NOS1AP: variants seen among roughly 807,000 people sequenced by gnomAD.
NOS1AP encodes the protein carboxyl-terminal PDZ ligand of neuronal nitric oxide synthase protein.
A neutral mutation model predicts 56.2 loss-of-function variants in NOS1AP; 21 were observed. The observed-to-expected ratio is 0.37, with a 90% CI of 0.26 to 0.54. The LOEUF (loss-of-function observed/expected upper bound fraction) is 0.54. Ranked by LOEUF, NOS1AP falls within the 20% of genes least tolerant of loss-of-function variation. The pLI is 0.84. For missense variants in NOS1AP, 522 were observed against 657.8 expected, an observed-to-expected ratio of 0.79 and a Z score of 2.26; for synonymous variants, 270 against 274.6, an observed-to-expected ratio of 0.98 and a Z score of 0.17.
intron 2 of NOS1AP, among the ~76,000 whole-genome samples, chr1:162,237,482 C>T (rs1373373201): frequency 6.6e-6 from 1 of 152,104 alleles, no homozygotes; most frequent in Non-Finnish European, 1.5e-5. Context: ...TTTTTGTGGG[C>T]ATTAAGGCCC....
At chr1:162,280,080 G>A (rs1234999273) in intron 2 of NOS1AP, among the ~76,000 whole-genome samples, 1 of 152,164 alleles carries the variant, frequency 6.6e-6, no homozygotes, top group Non-Finnish European at 1.5e-5. Context: ...TTGGGAGGCC[G>A]AGGTGGGAGG....
chr1:162,174,289 C>G (rs1047054194), intron 2 of NOS1AP, among the ~76,000 whole-genome samples: 1 of 151,740 alleles, frequency 6.6e-6, no homozygotes, highest in African/African-American at 2.4e-5. Flanking sequence ...AACCATCATT[C>G]TCAGCAAACT....
intron 1 of NOS1AP, among the ~76,000 whole-genome samples, chr1:162,118,976 A>G (rs1648089698): frequency 1.3e-5 from 2 of 152,168 alleles, no homozygotes; most frequent in South Asian, 4.1e-4. Flanking sequence ...GAGAAAGTTC[A>G]TGGGGATTTC....
At chr1:162,313,742 T>C (rs1474664574) in intron 4 of NOS1AP, among the ~76,000 whole-genome samples, 1 of 152,278 alleles carries the variant, frequency 6.6e-6, no homozygotes, top group East Asian at 1.9e-4. Flanking sequence ...GTTTTAAGCA[T>C]GGACCATTCA....
chr1:162,072,150 C>T (rs190880066), intron 1 of NOS1AP, among the ~76,000 whole-genome samples: 1 of 152,240 alleles, frequency 6.6e-6, no homozygotes, highest in African/African-American at 2.4e-5. Context: ...TATCACAGTT[C>T]AGTCCTCTGC....
chr1:162,293,661 A>G (rs888353591), intron 3 of NOS1AP, among the ~76,000 whole-genome samples: 1 of 152,250 alleles, frequency 6.6e-6, no homozygotes, highest in African/African-American at 2.4e-5. Flanking sequence ...TTACAAAAGC[A>G]TACAGAGCAA....
chr1:162,117,455 C>G (rs546061058), intron 1 of NOS1AP, among the ~76,000 whole-genome samples: 1 of 152,258 alleles, frequency 6.6e-6, no homozygotes, highest in South Asian at 2.1e-4. Flanking sequence ...TTCAGGTACC[C>G]TAGCTATCAT....
chr1:162,170,033 A>G (rs1263544170), intron 2 of NOS1AP, among the ~76,000 whole-genome samples: 5 of 152,082 alleles, frequency 3.3e-5, no homozygotes, highest in Non-Finnish European at 7.4e-5. Flanking sequence ...CCTCTCACCT[A>G]TAGTGCACCC....
intron 1 of NOS1AP, among the ~76,000 whole-genome samples, chr1:162,116,478 A>G (rs576403773): frequency 6.4e-4 from 97 of 152,068 alleles, no homozygotes; most frequent in Non-Finnish European, 1.2e-3. Context: ...ATTCCATTCA[A>G]TGCTTCCTTT....
At chr1:162,180,992 A>G (rs1651239155) in intron 2 of NOS1AP, among the ~76,000 whole-genome samples, 1 of 152,258 alleles carries the variant, frequency 6.6e-6, no homozygotes, top group Admixed American at 6.5e-5. Flanking sequence ...GCTATCCTCA[A>G]GGTCTATCAG....
chr1:162,250,063 C>T (rs914985340), intron 2 of NOS1AP, among the ~76,000 whole-genome samples: 10 of 152,214 alleles, frequency 6.6e-5, no homozygotes, highest in Non-Finnish European at 7.4e-5. Flanking sequence ...CTTGTTCTGA[C>T]TCTCAGAGCA....
intron 2 of NOS1AP, among the ~76,000 whole-genome samples, chr1:162,264,808 G>A (rs1291284130): frequency 4.4e-5 from 4 of 91,614 alleles, no homozygotes; most frequent in East Asian, 4.1e-4. Context: ...GAGCCACCGC[G>A]CCCGACCTTT....
intron 2 of NOS1AP, among the ~76,000 whole-genome samples, chr1:162,263,773 A>T (rs1221151663): frequency 2.0e-5 from 3 of 152,172 alleles, no homozygotes; most frequent in African/African-American, 7.2e-5. Flanking sequence ...TCTCAAAGAC[A>T]CCTCAGAATC....
At chr1:162,180,250 T>A (rs1651206174) in intron 2 of NOS1AP, among the ~76,000 whole-genome samples, 2 of 152,032 alleles carry the variant, frequency 1.3e-5, no homozygotes, top group South Asian at 4.2e-4. Flanking sequence ...TTTATTTTAT[T>A]TATTTATTTT....
intron 2 of NOS1AP, among the ~76,000 whole-genome samples, chr1:162,221,359 C>T (rs911678848): frequency 6.6e-6 from 1 of 152,168 alleles, no homozygotes; most frequent in African/African-American, 2.4e-5. Context: ...TTCTGCCTGT[C>T]TTACTGTGTT....
At chr1:162,361,649 C>G (rs929336587) in intron 8 of NOS1AP, among the ~76,000 whole-genome samples, 1 of 152,168 alleles carries the variant, frequency 6.6e-6, no homozygotes, top group Non-Finnish European at 1.5e-5. Context: ...CTTGAAAATA[C>G]CTGAAATAGT....
intron 4 of NOS1AP, among the ~76,000 whole-genome samples, chr1:162,319,866 C>A (rs1656356273): frequency 6.6e-6 from 1 of 152,318 alleles, no homozygotes; most frequent in African/African-American, 2.4e-5. Context: ...TCTCTTCAGC[C>A]TACTCACATA....
At chr1:162,243,373 AT>A (rs1653556501) in intron 2 of NOS1AP, among the ~76,000 whole-genome samples, 1 of 152,160 alleles carries the variant, frequency 6.6e-6, no homozygotes, top group African/African-American at 2.4e-5. Flanking sequence ...AGACCAGGGT[AT>A]TCACTTCCTA....
chr1:162,177,619 T>G (rs1009887929), intron 2 of NOS1AP, among the ~76,000 whole-genome samples: 5 of 152,216 alleles, frequency 3.3e-5, no homozygotes, highest in African/African-American at 9.6e-5. Flanking sequence ...CTTATTTATT[T>G]TGAAGTTTAT....
Sources: gnomAD v4.1 joint callset for allele counts (sites outside exome capture counted in the v4.1 genomes callset) on GRCh38, gnomAD v4.1.1 for gene constraint, MANE v1.5 for transcripts, NCBI Gene and HGNC (gene_info 2026-07-23, HGNC 2026-07-21) for gene names.